Variants in LZTFL1 observed in about 807,000 individuals in gnomAD.
LZTFL1 encodes leucine zipper transcription factor-like protein 1.
A neutral mutation model predicts 45.9 loss-of-function variants in LZTFL1; 25 were observed. The observed-to-expected ratio is 0.54, with a 90% confidence interval of 0.40 to 0.76. LZTFL1 has a LOEUF of 0.76. Ranked by LOEUF, LZTFL1 falls within the 30% of genes least tolerant of loss-of-function variation. The pLI, the probability that LZTFL1 is intolerant of heterozygous loss-of-function variation, is 0.00. For synonymous variants in LZTFL1, 93 were observed against 117.4 expected, an observed-to-expected ratio of 0.79 and a Z score of 1.35; for missense variants, 277 against 331.1, an observed-to-expected ratio of 0.84 and a Z score of 1.27.
At chr3:45,911,764 C>T (rs1046776471) in intron 2 of LZTFL1, among the ~76,000 whole-genome samples, 2 of 152,236 alleles carry the variant, frequency 1.3e-5, no homozygotes, top group East Asian at 3.8e-4. Context: ...AAGTAGGTCA[C>T]CCCTTTGGTG....
intron 7 of LZTFL1, among the ~76,000 whole-genome samples, chr3:45,829,153 G>A (rs2742361): frequency 0.86 from 131,010 of 152,188 alleles, 56,940 homozygotes; most frequent in East Asian, 1. Flanking sequence ...TGAGATATGT[G>A]TAATTTTTGC....
chr3:45,886,813 G>T (rs1485270496), intron 2 of LZTFL1, among the ~76,000 whole-genome samples: 5 of 152,136 alleles, frequency 3.3e-5, no homozygotes, highest in African/African-American at 1.2e-4. Context: ...AAGGTAAATG[G>T]GAATTGGTGA....
At chr3:45,897,382 G>A (rs1447562241) in intron 2 of LZTFL1, among the ~76,000 whole-genome samples, 2 of 152,148 alleles carry the variant, frequency 1.3e-5, no homozygotes, top group Non-Finnish European at 2.9e-5. Context: ...AAAGCACGAG[G>A]TCCTTAATTC....
At chr3:45,867,069 A>G (rs1575277711) in intron 2 of LZTFL1, among the ~76,000 whole-genome samples, 1 of 141,306 alleles carries the variant, frequency 7.1e-6, no homozygotes, top group Non-Finnish European at 1.5e-5. Context: ...AATCGCTTGA[A>G]CCCAGGAGGC....
chr3:45,907,957 G>A (rs1702713686), intron 2 of LZTFL1, among the ~76,000 whole-genome samples: 1 of 152,230 alleles, frequency 6.6e-6, no homozygotes, highest in Non-Finnish European at 1.5e-5. Context: ...GAAAATGTTT[G>A]GAGACTTGGA....
intron 2 of LZTFL1, among the ~76,000 whole-genome samples, chr3:45,895,930 C>T (rs139827904): frequency 3.9e-5 from 6 of 152,222 alleles, no homozygotes; most frequent in Non-Finnish European, 5.9e-5. Context: ...GACTTCCTAG[C>T]AGGCGGGCTA....
rs1700801525 is a variant in LZTFL1, at chr3:45,831,056, A to G, written c.522+17T>C. 6.2e-7 allele frequency: 1 copy of G among 1,608,980 alleles called. No individual in the cohort carries two copies. The highest frequency in any genetic ancestry group is 1.3e-5 in the African/African-American group (1 of 74,878). On this transcript the variant is annotated intron_variant, in intron 6 of 9. Coordinates refer to ENST00000296135, the MANE Select transcript of LZTFL1 (RefSeq NM_020347.4). ...TGTAGGCAGTTCAATAATTGTGTCA[A>G]AACATTTCTCAGTTACCTGTATTTC...
intron 2 of LZTFL1, chr3:45,895,076 T>TTA: frequency 9.2e-7 from 1 of 1,085,796 alleles, no homozygotes; most frequent in Non-Finnish European, 1.4e-6. Context: ...GGGTAAGATC[T>TTA]CTGCCTGGCA....
chr3:45,877,235 T>A (rs1701762616), intron 2 of LZTFL1, among the ~76,000 whole-genome samples: 1 of 149,838 alleles, frequency 6.7e-6, no homozygotes, highest in African/African-American at 2.4e-5. Context: ...AGCATCTCTT[T>A]TTTTTTTTTT....
At chr3:45,857,375 T>C (rs538445322) in intron 3 of LZTFL1, among the ~76,000 whole-genome samples, 1 of 152,098 alleles carries the variant, frequency 6.6e-6, no homozygotes, top group Non-Finnish European at 1.5e-5. Flanking sequence ...TCGGTGGTGA[T>C]TGGGGGCAGG....
chr3:45,861,214 A>G (rs1701483751), intron 2 of LZTFL1, among the ~76,000 whole-genome samples: 1 of 149,962 alleles, frequency 6.7e-6, no homozygotes, highest in Admixed American at 6.7e-5. Flanking sequence ...GCAAAACGAA[A>G]AAAAAAAAAA....
At chr3:45,886,139 G>A (rs914910161) in intron 2 of LZTFL1, among the ~76,000 whole-genome samples, 7 of 152,174 alleles carry the variant, frequency 4.6e-5, no homozygotes, top group African/African-American at 7.2e-5. Context: ...GGTATGTTGC[G>A]ATGGATAGTG....
chr3:45,881,243 G>A (rs12633699), intron 2 of LZTFL1, among the ~76,000 whole-genome samples: 4,234 of 152,236 alleles, frequency 0.028, 189 homozygotes, highest in East Asian at 0.16. Context: ...AATATCTAAC[G>A]ACCTGCTAGA....
At position 45,841,663 on chromosome 3, in the gene LZTFL1, G is replaced by A. The variant is rs561031482; in HGVS notation, c.3+326C>T. 81 of 488,492 alleles carry A rather than the reference G, an allele frequency of 1.7e-4. 2 individuals carry two copies. The South Asian group carries it at 2.3e-3, about 14-fold the overall frequency. The allele number at this position is 488,492 out of a possible 1,614,324, so 30.3% of individuals were successfully genotyped here. ...GTTAAGAACCCTGCCGTGCACCTTA[G>A]GCCGGCAGCAGTTTCCTCTATCTCT... is the stretch of plus-strand genomic sequence containing the variant. On this transcript the variant is annotated intron_variant, in intron 1 of 9. Transcript: ENST00000296135.
chr3:45,863,712 G>T (rs1052995149), intron 2 of LZTFL1, among the ~76,000 whole-genome samples: 2 of 152,180 alleles, frequency 1.3e-5, no homozygotes, highest in African/African-American at 4.8e-5. Context: ...GACACCACTG[G>T]CAAGCAATGT....
intron 4 of LZTFL1, among the ~76,000 whole-genome samples, chr3:45,833,603 T>C (rs1250810682): frequency 1.3e-5 from 2 of 152,186 alleles, no homozygotes; most frequent in Non-Finnish European, 2.9e-5. Flanking sequence ...AGTTTAGTAA[T>C]ATATATTAAA....
chr3:45,863,754 C>G (rs916521004), intron 2 of LZTFL1, among the ~76,000 whole-genome samples: 1 of 152,130 alleles, frequency 6.6e-6, no homozygotes, highest in East Asian at 1.9e-4. Context: ...GGCCAAGCAG[C>G]TGCAATAAGA....
chr3:45,831,716 C>A (rs1700825655), intron 5 of LZTFL1, among the ~76,000 whole-genome samples: 1 of 152,210 alleles, frequency 6.6e-6, no homozygotes, highest in Non-Finnish European at 1.5e-5. Context: ...ACTGCCTGTT[C>A]TGTTCTCCTG....
chr3:45,893,658 G>A (rs537531463), intron 2 of LZTFL1, among the ~76,000 whole-genome samples: 23 of 152,274 alleles, frequency 1.5e-4, no homozygotes, highest in African/African-American at 5.1e-4. Flanking sequence ...TCCATTGGAC[G>A]GATATTTCAC....
Sources: allele counts gnomAD v4.1 joint callset (sites outside exome capture counted in the v4.1 genomes callset), GRCh38; gene constraint gnomAD v4.1.1; transcripts MANE v1.5; gene names NCBI Gene and HGNC (gene_info 2026-07-23, HGNC 2026-07-21).